Variants in HDGF observed in about 807,000 individuals in gnomAD.
The protein encoded by HDGF is hepatoma-derived growth factor.
Under a neutral mutation model 30.0 loss-of-function variants are expected in HDGF, and 5 were observed. The ratio of observed to expected loss-of-function variants is 0.17; its 90% CI spans 0.09 to 0.35. The LOEUF (loss-of-function observed/expected upper bound fraction) is 0.35, where lower values mean the gene tolerates loss of function less well. Among genes scored for constraint, HDGF ranks in the 10% least tolerant of loss-of-function variants. The pLI, the probability that HDGF is intolerant of heterozygous loss-of-function variation, is 1.00. For missense variants in HDGF, 214 were observed against 302.8 expected, an observed-to-expected ratio of 0.71 and a Z score of 2.18; for synonymous variants, 133 against 112.7, an observed-to-expected ratio of 1.18 and a Z score of -1.14.
At chr1:156,754,210 G>A (rs545162700), upstream of HDGF, among the ~76,000 whole-genome samples, 6 of 152,280 alleles carry the variant, frequency 3.9e-5, no homozygotes, top group Non-Finnish European at 5.9e-5. Context: ...AACCGCGCCC[G>A]GCCAACAAAC....
At position 156,745,589 on chromosome 1, in the gene HDGF, C is replaced by T. The variant is rs553836543; in HGVS notation, c.88-216G>A. Among the ~76,000 whole-genome samples, 20 of 152,286 alleles carry T rather than the reference C, an allele frequency of 1.3e-4. No individual in the cohort carries two copies. The South Asian group carries it at 2.1e-3, about 16-fold the overall frequency. The stretch of plus-strand genomic sequence containing the variant: ...AGAAACCCAGGAATCCTTCCCTCTC[C>T]GTCACCAGCCAGACAGCACCCATTC... On this transcript the variant is annotated intron_variant, in intron 1 of 5. Coordinates refer to ENST00000357325, the MANE Select transcript of HDGF (RefSeq NM_004494.3).
At chr1:156,747,259 C>T in intron 1 of HDGF, among the ~76,000 whole-genome samples, 1 of 60,052 alleles carries the variant, frequency 1.7e-5, no homozygotes, top group African/African-American at 5.7e-5. Context: ...CGCCCCCCCC[C>T]CCCCGCCCCG....
At position 156,743,836 on chromosome 1, in the gene HDGF, C is replaced by T; in HGVS notation, c.532G>A (p.Glu178Lys). 1 of 1,612,954 alleles carries T rather than the reference C, an allele frequency of 6.2e-7. No homozygotes were observed. The highest frequency in any genetic ancestry group is 1.1e-5 in the South Asian group (1 of 90,986). ...RPKEAENPEG[E>K]EKEAATLEVE... ...TCCAAGGTGGCTGCCTCCTTCTCCT[C>T]TCCTTCAGGGTTTTCTGCCTCCTTG... The change falls in exon 5 of 6, where the codon GAG (glutamate) becomes AAG (lysine). Residue 178 changes from glutamate (E) to lysine (K), a missense_variant. Around this residue, in one of 2 missense-constraint regions of HDGF, gnomAD observed 176 missense variants for 211.7 expected, o/e 0.83. Transcript: ENST00000357325.
chr1:156,759,783 C>T (rs1651217449), intron 1 of HDGF, among the ~76,000 whole-genome samples: 1 of 152,038 alleles, frequency 6.6e-6, no homozygotes, highest in Admixed American at 6.6e-5. Flanking sequence ...CCCAGTCACC[C>T]CATTCATTTT....
rs71080793 is a variant in HDGF, at chr1:156,765,472, C to CTTTTT, written n.136+1313_136+1317dup. 5.5e-3 allele frequency among the ~76,000 whole-genome samples: 474 copies of CTTTTT among 85,974 alleles called. 2 individuals carry two copies. Among genetic ancestry groups the CTTTTT allele is most frequent in the Non-Finnish European group, 7.3e-3 (352 of 48,318 alleles). 56.4% of individuals were successfully genotyped at this position (85,974 alleles called of 152,430 possible). A position where few individuals can be genotyped will look rare whatever the true frequency, so the allele number is the denominator to read the frequency against. On this transcript the variant is annotated intron_variant and non_coding_transcript_variant, in intron 1 of 7. Transcript: ENST00000465180. ...TCCTTCTTTCCTTCTTTCTTTCTTT[C>CTTTTT]TTTTTTTTTTTTTTTTTTTTGAGAT...
intron 1 of HDGF, among the ~76,000 whole-genome samples, chr1:156,747,904 G>T (rs1464036505): frequency 2.6e-5 from 4 of 152,198 alleles, no homozygotes; most frequent in African/African-American, 4.8e-5. Context: ...ACACTCAGAG[G>T]CAGATAGCTG....
At chr1:156,757,146 T>C (rs1171724653), upstream of HDGF, among the ~76,000 whole-genome samples, 1 of 152,036 alleles carries the variant, frequency 6.6e-6, no homozygotes, top group African/African-American at 2.4e-5. Context: ...TCTAAGTCTC[T>C]ACTGGCCAAC....
Position 156,742,944 on chromosome 1 carries a change from G to A in HDGF, c.*505C>T, listed in dbSNP as rs1181796469. On this transcript the variant is annotated 3_prime_UTR_variant, in exon 6 of 6. Transcript: ENST00000357325. ...GCAGCTGGGATAATAGGTGTAGCAG[G>A]GGACAGGAGCTCAGAAGGAGGCCGC... The A allele has an allele frequency of 6.5e-6, 1 of 154,834 alleles. No individual in the cohort carries two copies. Among genetic ancestry groups the A allele is most frequent in the Non-Finnish European group, 1.4e-5 (1 of 69,152 alleles). The allele number at this position is 154,834 out of a possible 1,614,324, so 9.6% of individuals were successfully genotyped here. A position where few individuals can be genotyped will look rare whatever the true frequency, so the allele number is the denominator to read the frequency against.
rs1382671187 is a variant in HDGF at position 156,743,041 on chromosome 1, A to G, written c.*408T>C. On this transcript the variant is annotated 3_prime_UTR_variant, in exon 6 of 6. Coordinates refer to ENST00000357325, the MANE Select transcript of HDGF (RefSeq NM_004494.3). ...GCCCCACAAGCCCACCCTGCTGTTG[A>G]TGCTCCATCCTTTCCATTCCTACCC... is the stretch of plus-strand genomic sequence containing the variant. 2.6e-4 allele frequency: 44 copies of G among 167,004 alleles called. No homozygotes were observed. The highest frequency in any genetic ancestry group is 5.4e-4 in the Non-Finnish European group (42 of 77,806). 10.3% of individuals were successfully genotyped at this position (167,004 alleles called of 1,614,324 possible). A position where few individuals can be genotyped will look rare whatever the true frequency, so the allele number is the denominator to read the frequency against.
At chr1:156,752,776 G>A (rs1558037965), upstream of HDGF, among the ~76,000 whole-genome samples, 2 of 152,128 alleles carry the variant, frequency 1.3e-5, no homozygotes. Flanking sequence ...TGTTCCCTTA[G>A]AAATAAGATA....
intron 1 of HDGF, among the ~76,000 whole-genome samples, chr1:156,764,574 G>A (rs1651318067): frequency 6.6e-6 from 1 of 151,910 alleles, no homozygotes; most frequent in African/African-American, 2.4e-5. Flanking sequence ...CTTTCATGAA[G>A]TTTCTATTAT....
At chr1:156,752,271 A>T, upstream of HDGF, 1 of 1,551,734 alleles carries the variant, frequency 6.4e-7, no homozygotes, top group Non-Finnish European at 8.7e-7. Context: ...TTTGAGCCCT[A>T]CGTCCGCCTT....
Position 156,751,641 on chromosome 1 carries a change from C to T in HDGF, c.-212G>A. On this transcript the variant is annotated 5_prime_UTR_variant, in exon 1 of 6. Coordinates refer to ENST00000357325, the MANE Select transcript of HDGF (RefSeq NM_004494.3). This position sits in a 1 kb window ranked among gnomAD's most constrained non-coding sequence, Gnocchi z 4.7. ...CGCGGATCGGGGCAAGGCTCCGGCG[C>T]GGTGGGTGCGCGCTCGTGCAGTTGT... is the stretch of plus-strand genomic sequence containing the variant. The T allele has an allele frequency of 1.0e-6, 1 of 999,780 alleles. No individual in the cohort carries two copies. The highest frequency in any genetic ancestry group is 1.2e-6 in the Non-Finnish European group (1 of 840,204). 61.9% of individuals were successfully genotyped at this position (999,780 alleles called of 1,614,324 possible).
intron 1 of HDGF, among the ~76,000 whole-genome samples, chr1:156,762,349 C>T (rs944623774): frequency 3.3e-5 from 5 of 151,332 alleles, no homozygotes; most frequent in African/African-American, 9.7e-5. Context: ...CTCAGGAGAT[C>T]AAGATGAGCC....
intron 1 of HDGF, among the ~76,000 whole-genome samples, chr1:156,760,072 A>G (rs1174024143): frequency 6.6e-6 from 1 of 152,266 alleles, no homozygotes; most frequent in Non-Finnish European, 1.5e-5. Context: ...GACAAGCAGT[A>G]CTGGAAGTAA....
intron 3 of HDGF, chr1:156,744,561 G>C (rs1303994785): frequency 1.2e-5 from 18 of 1,530,590 alleles, no homozygotes; most frequent in Non-Finnish European, 1.5e-5. Flanking sequence ...CTGTGCAGGA[G>C]GGGGGAGGGC....
rs540058701 is a variant in HDGF at position 156,743,120 on chromosome 1, G to A, written c.*329C>T. ...CTAGGAGAGTGGGAGAAGGGTGTCAGGAGGTGGGAGCAGTTGTCCCAGGCC... is the reference window on the plus strand; with the variant it reads ...CTAGGAGAGTGGGAGAAGGGTGTCAAGAGGTGGGAGCAGTTGTCCCAGGCC... On this transcript the variant is annotated 3_prime_UTR_variant, in exon 6 of 6. Transcript: ENST00000357325. 1 of 283,746 alleles carries A rather than the reference G, an allele frequency of 3.5e-6. No homozygotes were observed. Among genetic ancestry groups the A allele is most frequent in the East Asian group, 6.2e-5 (1 of 16,250 alleles). 17.6% of individuals were successfully genotyped at this position (283,746 alleles called of 1,614,324 possible).
At position 156,745,096 on chromosome 1, in the gene HDGF, T is replaced by C; in HGVS notation, c.215A>G (p.Lys72Arg). ...DLFPYEESKE[K>R]FGKPNKRKGF... ...TTTCCTCTTGTTGGGCTTGCCAAACTTCTCCTTGGATTCCTCGTAAGGGAA... is the reference window on the plus strand; with the variant it reads ...TTTCCTCTTGTTGGGCTTGCCAAACCTCTCCTTGGATTCCTCGTAAGGGAA... The change falls in exon 3 of 6, where the codon AAG becomes AGG. Residue 72 changes from lysine (K) to arginine (R), a missense_variant. Physicochemically the swap from Lys to Arg is conservative, Grantham distance 26 (BLOSUM62 2). Around this residue, in one of 2 missense-constraint regions of HDGF, gnomAD observed 176 missense variants for 211.7 expected, o/e 0.83. Transcript: ENST00000357325. The C allele has an allele frequency of 6.2e-7, 1 of 1,613,972 alleles. No homozygotes were observed.
At chr1:156,754,048 T>G (rs1228410677), upstream of HDGF, among the ~76,000 whole-genome samples, 2 of 151,900 alleles carry the variant, frequency 1.3e-5, no homozygotes, top group Non-Finnish European at 2.9e-5. Flanking sequence ...CCTGAGTAGC[T>G]GGGATTACAG....
Sources: gnomAD v4.1 joint callset for allele counts (sites outside exome capture counted in the v4.1 genomes callset) on GRCh38, gnomAD v4.1.1 for gene constraint, gnomAD v4.1.1 regional missense constraint, Gnocchi (gnomAD v3.1) non-coding constraint, MANE v1.5 for transcripts, NCBI Gene and HGNC (gene_info 2026-07-23, HGNC 2026-07-21) for gene names.